PTPRN2: variants seen among roughly 807,000 people sequenced by gnomAD.
PTPRN2 encodes the protein receptor-type tyrosine-protein phosphatase N2.
PTPRN2 carries 74 observed loss-of-function variants against 118.8 expected under a neutral mutation model. That is an observed-to-expected ratio of 0.62 (90% confidence interval 0.52 to 0.76). The LOEUF (loss-of-function observed/expected upper bound fraction) is 0.76, where lower values mean the gene tolerates loss of function less well. PTPRN2 is among the 30% of genes least tolerant of loss of function. PTPRN2 has a pLI of 0.00. For missense variants in PTPRN2, 1,481 were observed against 1,394.4 expected, an observed-to-expected ratio of 1.06 and a Z score of -0.99; for synonymous variants, 641 against 608.0, an observed-to-expected ratio of 1.05 and a Z score of -0.80.
intron 2 of PTPRN2, among the ~76,000 whole-genome samples, chr7:158,466,293 C>T (rs1349743101): frequency 6.6e-6 from 1 of 152,154 alleles, no homozygotes; most frequent in African/African-American, 2.4e-5. Flanking sequence ...CCTACCCTCT[C>T]ATCCACATCT....
At chr7:158,266,998 G>A (rs769128437) in intron 3 of PTPRN2, among the ~76,000 whole-genome samples, 6 of 152,234 alleles carry the variant, frequency 3.9e-5, no homozygotes, top group East Asian at 1.9e-4. Flanking sequence ...TCCACTTTCC[G>A]TGTCACTAAA....
intron 3 of PTPRN2, among the ~76,000 whole-genome samples, chr7:158,313,996 C>T (rs918607465): frequency 6.6e-6 from 1 of 151,874 alleles, no homozygotes; most frequent in African/African-American, 2.4e-5. Flanking sequence ...CATCCCAGGA[C>T]GCCCACCCAG....
intron 16 of PTPRN2, among the ~76,000 whole-genome samples, chr7:157,600,626 C>T (rs1801617129): frequency 1.3e-5 from 2 of 152,208 alleles, no homozygotes; most frequent in South Asian, 4.1e-4. Context: ...CCAGGCTGGT[C>T]TTAAACTTCT....
In PTPRN2 at chr7:157,813,792, G is replaced by T. The variant is rs1806207094; in HGVS notation, c.1788+84881C>A. ...TTCCTTACCCCGGTGGTTTTCATCT[G>T]GACCCTGAGTCAGAATGGCCTGGAG... On this transcript the variant is annotated intron_variant, in intron 12 of 22. Coordinates refer to ENST00000389418, the MANE Select transcript of PTPRN2 (RefSeq NM_002847.5). The surrounding 1 kb of genome is among the most constrained non-coding windows in gnomAD (Gnocchi z 4.7). Among the ~76,000 whole-genome samples the T allele has an allele frequency of 6.6e-6, 1 of 152,212 alleles. No homozygotes were observed. Among genetic ancestry groups the T allele is most frequent in the Admixed American group, 6.5e-5 (1 of 15,286 alleles).
intron 12 of PTPRN2, among the ~76,000 whole-genome samples, chr7:157,777,062 G>A (rs925332116): frequency 6.9e-6 from 1 of 145,306 alleles, no homozygotes; most frequent in African/African-American, 2.6e-5. Context: ...CTCCTCTGGT[G>A]CTGTGGCTTT....
At chr7:158,150,493 C>A (rs368232207) in intron 6 of PTPRN2, among the ~76,000 whole-genome samples, 5 of 152,292 alleles carry the variant, frequency 3.3e-5, no homozygotes, top group South Asian at 4.1e-4. Flanking sequence ...CCTGCACTGA[C>A]CTTCACTGCA....
At chr7:158,142,355 C>T (rs1016809259) in intron 6 of PTPRN2, among the ~76,000 whole-genome samples, 1 of 152,248 alleles carries the variant, frequency 6.6e-6, no homozygotes, top group Non-Finnish European at 1.5e-5. Flanking sequence ...CTGCCTTGCC[C>T]TCGCCCAGCC....
At chr7:158,190,456 A>G (rs1825670628) in intron 5 of PTPRN2, among the ~76,000 whole-genome samples, 1 of 152,226 alleles carries the variant, frequency 6.6e-6, no homozygotes. Context: ...AGACTCCCAC[A>G]GGCTCCTGGA....
chr7:158,279,028 C>T (rs1799231460), intron 3 of PTPRN2, among the ~76,000 whole-genome samples: 1 of 152,158 alleles, frequency 6.6e-6, no homozygotes, highest in Non-Finnish European at 1.5e-5. Flanking sequence ...GTAGTGAGGA[C>T]CCAAAGAGTG....
chr7:158,333,801 G>T (rs1392647887), intron 2 of PTPRN2, among the ~76,000 whole-genome samples: 3 of 144,236 alleles, frequency 2.1e-5, no homozygotes, highest in East Asian at 2.1e-4. Context: ...CACCATAAGA[G>T]CTGAGGCCCA....
intron 12 of PTPRN2, among the ~76,000 whole-genome samples, chr7:157,684,548 G>T (rs970298610): frequency 3.3e-5 from 5 of 151,740 alleles, no homozygotes; most frequent in Non-Finnish European, 5.9e-5. Context: ...GTCGCCCTTC[G>T]CGTGGAGATC....
rs1003083712 is a variant in PTPRN2, at chr7:157,767,213, C to G, written c.1789-84276G>C. ...AAGTAGCCAGGCTGTGCTGGGCACA[C>G]AGCACTCCACGTCCATCATCCATCT... On this transcript the variant is annotated intron_variant, in intron 12 of 22. Coordinates refer to ENST00000389418, the MANE Select transcript of PTPRN2 (RefSeq NM_002847.5). Among the ~76,000 whole-genome samples, 3 of 152,182 alleles carry G rather than the reference C, an allele frequency of 2.0e-5. No individual in the cohort carries two copies. The East Asian group carries it at 5.8e-4, about 29-fold the overall frequency.
intron 12 of PTPRN2, among the ~76,000 whole-genome samples, chr7:157,896,705 A>G (rs1470599749): frequency 6.6e-6 from 1 of 152,134 alleles, no homozygotes; most frequent in African/African-American, 2.4e-5. Context: ...ACGTGTGCGT[A>G]GACAACAGCA....
chr7:157,719,495 C>G (rs1322098576), intron 12 of PTPRN2, among the ~76,000 whole-genome samples: 2 of 152,250 alleles, frequency 1.3e-5, no homozygotes, highest in African/African-American at 4.8e-5. Flanking sequence ...TCCGGCCATG[C>G]CCTTTGCACA....
At chr7:158,468,445 A>G (rs1281710264) in intron 2 of PTPRN2, among the ~76,000 whole-genome samples, 3 of 152,230 alleles carry the variant, frequency 2.0e-5, no homozygotes, top group African/African-American at 7.2e-5. Flanking sequence ...TCAGAGAAAA[A>G]GAAAGGACGG....
Position 157,850,327 on chromosome 7 carries a change from G to A in PTPRN2, c.1788+48346C>T, listed in dbSNP as rs943490093. Among the ~76,000 whole-genome samples the A allele has an allele frequency of 2.5e-4, 19 of 75,370 alleles. 1 individual carries two copies. The highest frequency in any genetic ancestry group is 2.2e-3 in the Admixed American group (16 of 7,256). 49.4% of individuals were successfully genotyped at this position (75,370 alleles called of 152,430 possible). A position where few individuals can be genotyped will look rare whatever the true frequency, so the allele number is the denominator to read the frequency against. On this transcript the variant is annotated intron_variant, in intron 12 of 22. Transcript: ENST00000389418. ...GATCCCAGGTCTCCGAATTTCCGAC[G>A]TGGGTGCCTCAGGCTCGCGTAAGGG...
chr7:158,134,072 A>T lies in PTPRN2; in HGVS notation c.1174-13T>A, dbSNP rs1818608879. On this transcript the variant is annotated splice_polypyrimidine_tract_variant and intron_variant, in intron 8 of 22. Transcript: ENST00000389418. ...TCAGACGATGGACCTGACAGAGAGG[A>T]CATTCCGTGAGGGACGTCTGCGAAA... 1.2e-6 allele frequency: 2 copies of T among 1,607,298 alleles called. No homozygotes were observed. Among genetic ancestry groups the T allele is most frequent in the African/African-American group, 1.3e-5 (1 of 74,712 alleles).
intron 11 of PTPRN2, among the ~76,000 whole-genome samples, chr7:158,023,240 G>A (rs1807029021): frequency 6.6e-6 from 1 of 152,044 alleles, no homozygotes; most frequent in African/African-American, 2.4e-5. Flanking sequence ...CGCTAAAGGA[G>A]GAGCTCACCA....
chr7:157,775,985 G>A (rs1459250836), intron 12 of PTPRN2, among the ~76,000 whole-genome samples: 1 of 152,000 alleles, frequency 6.6e-6, no homozygotes, highest in South Asian at 2.1e-4. Flanking sequence ...GGCCCGGGGG[G>A]ATAGCCGCAG....
Sources: gnomAD v4.1 joint callset for allele counts (sites outside exome capture counted in the v4.1 genomes callset) on GRCh38, gnomAD v4.1.1 for gene constraint, Gnocchi (gnomAD v3.1) non-coding constraint, MANE v1.5 for transcripts, NCBI Gene and HGNC (gene_info 2026-07-23, HGNC 2026-07-21) for gene names.